AVEN: variants seen among roughly 807,000 people sequenced by gnomAD.
AVEN encodes apoptosis and caspase activation inhibitor, also known as cell death regulator Aven.
A neutral mutation model predicts 38.1 loss-of-function variants in AVEN; 41 were observed. The ratio of observed to expected loss-of-function variants is 1.08; its 90% CI spans 0.84 to 1.40. The LOEUF is 1.40. AVEN is among the 40% of genes most tolerant of loss of function. The pLI is 0.00. For synonymous variants in AVEN, 206 were observed against 171.8 expected (o/e 1.20, Z -1.56); for missense variants, 605 against 438.8 (o/e 1.38, Z -3.38).
chr15:33,868,544 C>CAAAAAA (rs35851228), intron 4 of AVEN, among the ~76,000 whole-genome samples: 4 of 66,236 alleles, frequency 6.0e-5, no homozygotes, highest in Admixed American at 4.2e-4. Flanking sequence ...GACTCCGTCT[C>CAAAAAA]AAAAAAAAAA....
intron 2 of AVEN, among the ~76,000 whole-genome samples, chr15:33,931,182 CTTG>C (rs1190327693): frequency 6.6e-6 from 1 of 151,956 alleles, no homozygotes; most frequent in Non-Finnish European, 1.5e-5. Flanking sequence ...ACCATGCTCC[CTTG>C]TTAAGAAAGG....
In AVEN at chr15:34,039,154, G is replaced by T; in HGVS notation, c.-108C>A. ...GAGGAGCCGCGAGCGAAAGGCGCCC[G>T]GTAGCAGCGAGGCGCGGGGTGCGGG... On this transcript the variant is annotated 5_prime_UTR_variant, in exon 1 of 6. Transcript: ENST00000306730. 1 of 949,252 alleles carries T rather than the reference G, an allele frequency of 1.1e-6. No homozygotes were observed. The highest frequency in any genetic ancestry group is 1.8e-5 in the African/African-American group (1 of 56,480). The allele number at this position is 949,252 out of a possible 1,614,324, so 58.8% of individuals were successfully genotyped here.
intron 2 of AVEN, among the ~76,000 whole-genome samples, chr15:33,900,992 C>T (rs1892474416): frequency 6.6e-6 from 1 of 152,148 alleles, no homozygotes; most frequent in Non-Finnish European, 1.5e-5. Flanking sequence ...ACTGGCCAGG[C>T]ACGGTGGCTC....
chr15:33,869,330 G>A (rs956134642), intron 4 of AVEN, among the ~76,000 whole-genome samples: 1 of 152,184 alleles, frequency 6.6e-6, no homozygotes, highest in Admixed American at 6.5e-5. Context: ...GGATTTCAAT[G>A]TCACATAATT....
chr15:34,002,551 T>G (rs917494779), intron 2 of AVEN, among the ~76,000 whole-genome samples: 7 of 151,904 alleles, frequency 4.6e-5, no homozygotes, highest in Non-Finnish European at 7.4e-5. Flanking sequence ...GAGAAGACTA[T>G]CCAAAAGCAA....
At chr15:33,854,442 C>A, downstream of AVEN, 1 of 1,572,406 alleles carries the variant, frequency 6.4e-7, no homozygotes, top group Non-Finnish European at 8.6e-7. Context: ...GTTGTTTTTA[C>A]TGACAACGTA....
chr15:33,990,223 C>CA (rs1278019856), intron 2 of AVEN, among the ~76,000 whole-genome samples: 3 of 147,832 alleles, frequency 2.0e-5, no homozygotes, highest in East Asian at 4.0e-4. Context: ...CAAAACAAAA[C>CA]AAAAAAAACT....
At chr15:33,956,947 G>GT (rs530872919) in intron 2 of AVEN, among the ~76,000 whole-genome samples, 13 of 151,890 alleles carry the variant, frequency 8.6e-5, no homozygotes, top group Non-Finnish European at 1.3e-4. Flanking sequence ...ATGTTCGGGA[G>GT]TTTTTTTTGG....
rs1437732331 is a variant in AVEN, at chr15:34,070,823, C to T, written n.721-172G>A. Reference sequence around the variant, plus strand: ...CAAAGAGGGCACAGCCAGTATTATTCTGCAATAAATTTCACTGTCCCCCAT... The same window carrying T: ...CAAAGAGGGCACAGCCAGTATTATTTTGCAATAAATTTCACTGTCCCCCAT... On this transcript the variant is annotated intron_variant and non_coding_transcript_variant, in intron 1 of 11. Transcript: ENST00000675287. Among the ~76,000 whole-genome samples the T allele has an allele frequency of 2.0e-5, 3 of 152,220 alleles. No individual in the cohort carries two copies. In the East Asian group the frequency reaches 5.8e-4, roughly 29 times the overall value.
intron 1 of AVEN, among the ~76,000 whole-genome samples, chr15:34,019,429 CTAAT>C (rs1385005500): frequency 6.6e-6 from 1 of 152,162 alleles, no homozygotes; most frequent in Admixed American, 6.5e-5. Flanking sequence ...TAAACTAGGG[CTAAT>C]TATTTAAAAA....
chr15:34,034,030 C>T lies in AVEN; in HGVS notation c.267+4750G>A, dbSNP rs184970085. On this transcript the variant is annotated intron_variant, in intron 1 of 5. Transcript: ENST00000306730. ...TCAATCTCTTGACCTTGTGATCTGC[C>T]CACCTCAGCCTCCCAAAGTGCTGGG... is the stretch of plus-strand genomic sequence containing the variant. Among the ~76,000 whole-genome samples, 364 of 152,262 alleles carry T rather than the reference C, an allele frequency of 2.4e-3. 2 individuals carry two copies. The highest frequency in any genetic ancestry group is 7.1e-3 in the Admixed American group (108 of 15,298).
intron 2 of AVEN, among the ~76,000 whole-genome samples, chr15:33,967,123 G>A (rs1323923445): frequency 6.6e-6 from 1 of 152,056 alleles, no homozygotes; most frequent in Non-Finnish European, 1.5e-5. Flanking sequence ...AAAAGTTCAA[G>A]AAAATATTCT....
At chr15:33,910,816 C>A (rs537779214) in intron 2 of AVEN, among the ~76,000 whole-genome samples, 1 of 152,180 alleles carries the variant, frequency 6.6e-6, no homozygotes, top group East Asian at 1.9e-4. Flanking sequence ...CAGCTCCCAA[C>A]GGAGAGTTAA....
intron 1 of AVEN, among the ~76,000 whole-genome samples, chr15:34,072,651 A>G (rs1486791592): frequency 6.6e-6 from 1 of 151,126 alleles, no homozygotes; most frequent in African/African-American, 2.4e-5. Flanking sequence ...ACTTTTTATT[A>G]TTATTATTTT....
chr15:33,867,702 C>T lies in AVEN; in HGVS notation c.766G>A (p.Gly256Ser). Residue 256 changes from glycine to serine, a missense_variant, in exon 5 of 6, where the codon GGC becomes AGC. Physicochemically the swap from Gly to Ser is moderately conservative, Grantham distance 56. Coordinates refer to ENST00000306730, the MANE Select transcript of AVEN (RefSeq NM_020371.3). ...GGACCCGGGCTTGGGTTGTCTTTGC[C>T]CAGCAACACAGGGCAGCCAGCAGCC... ...SVAAGCPVLL[G>S]KDNPSPGPSR... is the part of the protein sequence containing the mutation. 4 of 1,614,084 alleles carry T rather than the reference C, an allele frequency of 2.5e-6. No homozygotes were observed. Among genetic ancestry groups the T allele is most frequent in the Non-Finnish European group, 3.4e-6 (4 of 1,180,002 alleles).
intron 2 of AVEN, among the ~76,000 whole-genome samples, chr15:33,986,926 G>A (rs1366733961): frequency 6.6e-6 from 1 of 152,124 alleles, no homozygotes; most frequent in African/African-American, 2.4e-5. Context: ...CAAAGTGCTG[G>A]GATTACAGGC....
chr15:34,067,852 T>G (rs553777932), intron 2 of AVEN, among the ~76,000 whole-genome samples: 1 of 152,266 alleles, frequency 6.6e-6, no homozygotes, highest in South Asian at 2.1e-4. Context: ...GATACTAATT[T>G]CCATCTTCCC....
At chr15:34,025,082 A>G (rs1191666759) in intron 1 of AVEN, among the ~76,000 whole-genome samples, 3 of 151,948 alleles carry the variant, frequency 2.0e-5, no homozygotes, top group African/African-American at 7.3e-5. Flanking sequence ...AGGCAGGAGA[A>G]TCGTTTGAGC....
At chr15:33,917,814 G>A (rs1379880811) in intron 2 of AVEN, among the ~76,000 whole-genome samples, 1 of 152,168 alleles carries the variant, frequency 6.6e-6, no homozygotes, top group Non-Finnish European at 1.5e-5. Flanking sequence ...TCAGGGGTAA[G>A]TGTGGGAGGG....
Sources: allele counts gnomAD v4.1 joint callset (sites outside exome capture counted in the v4.1 genomes callset), GRCh38; gene constraint gnomAD v4.1.1; transcripts MANE v1.5; gene names NCBI Gene and HGNC (gene_info 2026-07-23, HGNC 2026-07-21).